The following SELP variants were observed in gnomAD, a reference collection of about 807,000 sequenced individuals.
The protein encoded by SELP is P-selectin.
In SELP, 92 loss-of-function variants were observed where a neutral mutation model predicts 104.1. The ratio of observed to expected loss-of-function variants is 0.88; its 90% CI spans 0.75 to 1.05. The LOEUF is 1.05. Ranked by LOEUF, SELP falls within the 50% of genes least tolerant of loss-of-function variation. The probability of loss-of-function intolerance (pLI) is 0.00; values close to 1 mark genes in which losing one functional copy is unlikely to be tolerated. For missense variants in SELP, 1,022 were observed against 1,017.3 expected, an observed-to-expected ratio of 1.00 and a Z score of -0.06; for synonymous variants, 397 against 364.5, an observed-to-expected ratio of 1.09 and a Z score of -1.01.
chr1:169,623,155 A>T (rs144022649), intron 1 of SELP, among the ~76,000 whole-genome samples: 1 of 133,376 alleles, frequency 7.5e-6, no homozygotes, highest in African/African-American at 2.9e-5. Flanking sequence ...CATGAAGGGG[A>T]CCTGAGTGCT....
In SELP at chr1:169,593,710, T is replaced by C. The variant is rs775557509; in HGVS notation, c.2302A>G (p.Ile768Val). The C allele has an allele frequency of 4.3e-6, 7 of 1,613,470 alleles. No individual in the cohort carries two copies. Among genetic ancestry groups the C allele is most frequent in the South Asian group, 2.2e-5 (2 of 91,058 alleles). ...CCAAAGTAAGTCAGGGCTTCCTGGA[T>C]AGTCAATGGTCCTGCTACAAAACAA... Reference protein sequence around the residue: ...VPTCQAGPLTIQEALTYFGGA... With the variant: ...VPTCQAGPLTVQEALTYFGGA... The change falls in exon 14 of 17, where the codon ATC (isoleucine) becomes GTC (valine). Residue 768 changes from isoleucine (I) to valine (V), a missense_variant. Transcript: ENST00000263686.
intron 10 of SELP, among the ~76,000 whole-genome samples, chr1:169,599,543 T>C (rs1031057041): frequency 1.3e-5 from 2 of 152,214 alleles, no homozygotes; most frequent in Non-Finnish European, 2.9e-5. Flanking sequence ...CTTAAACATA[T>C]TGATTTATAT....
At chr1:169,606,546 T>C (rs995464707) in intron 9 of SELP, among the ~76,000 whole-genome samples, 1 of 151,830 alleles carries the variant, frequency 6.6e-6, no homozygotes, top group Non-Finnish European at 1.5e-5. Context: ...TTATACCCTG[T>C]GGTTCCTAGA....
intron 7 of SELP, among the ~76,000 whole-genome samples, chr1:169,610,586 C>T (rs916791181): frequency 3.9e-5 from 6 of 152,022 alleles, no homozygotes; most frequent in African/African-American, 4.8e-5. Context: ...CACTTGAGGT[C>T]GGGAGTTTGA....
chr1:169,596,044 G>C lies in SELP; in HGVS notation c.1982C>G (p.Thr661Ser). The part of the protein sequence containing the change: ...GTMYCRHHPG[T>S]FGFNTTCYFG... ...GTAACAAGTGGTATTAAAACCAAAG[G>C]TTCCCGGATGATGCCTACAGTACAT... The change falls in exon 12 of 17, where the codon ACC becomes AGC. Residue 661 changes from threonine (T) to serine (S), a missense_variant. By Grantham distance (58) the Thr-to-Ser change is moderately conservative. Coordinates refer to ENST00000263686, the MANE Select transcript of SELP (RefSeq NM_003005.4). The C allele has an allele frequency of 6.2e-7, 1 of 1,613,942 alleles. No homozygotes were observed. Among genetic ancestry groups the C allele is most frequent in the Non-Finnish European group, 8.5e-7 (1 of 1,179,860 alleles).
At chr1:169,621,163 G>C (rs1320366103) in intron 1 of SELP, among the ~76,000 whole-genome samples, 1 of 142,536 alleles carries the variant, frequency 7.0e-6, no homozygotes, top group Non-Finnish European at 1.5e-5. Context: ...GACTGTGTGG[G>C]GTTGTGTGTG....
chr1:169,627,153 T>C (rs1663412446), intron 1 of SELP, among the ~76,000 whole-genome samples: 1 of 152,162 alleles, frequency 6.6e-6, no homozygotes, highest in South Asian at 2.1e-4. Flanking sequence ...ACTATACAAC[T>C]TGTTGGTAGC....
chr1:169,598,885 A>G (rs960331595), intron 10 of SELP, among the ~76,000 whole-genome samples: 4 of 152,314 alleles, frequency 2.6e-5, no homozygotes, highest in South Asian at 4.1e-4. Context: ...CTGGTTTGAA[A>G]AGAAACAAGA....
chr1:169,604,644 A>G (rs1484872068), intron 9 of SELP, among the ~76,000 whole-genome samples: 1 of 152,154 alleles, frequency 6.6e-6, no homozygotes, highest in Non-Finnish European at 1.5e-5. Flanking sequence ...AATCTGATCA[A>G]CTTGTCCAAA....
At chr1:169,603,820 TG>T (rs1461660868) in intron 9 of SELP, among the ~76,000 whole-genome samples, 69 of 152,248 alleles carry the variant, frequency 4.5e-4, no homozygotes, top group Admixed American at 4.5e-3. Flanking sequence ...TCCTTGCATA[TG>T]TGCCACATTT....
chr1:169,597,954 G>A (rs1661717013), intron 10 of SELP, among the ~76,000 whole-genome samples: 1 of 152,100 alleles, frequency 6.6e-6, no homozygotes, highest in Non-Finnish European at 1.5e-5. Context: ...TCAACTTTTT[G>A]TCTGAACTGA....
intron 1 of SELP, among the ~76,000 whole-genome samples, chr1:169,623,872 A>G (rs971764198): frequency 2.0e-5 from 3 of 152,196 alleles, no homozygotes; most frequent in Non-Finnish European, 4.4e-5. Context: ...GTGAGCGTAA[A>G]TGATTTGCCC....
chr1:169,596,160 A>G (rs1661600379), intron 11 of SELP, 26 bp from the exon 12 acceptor site: 1 of 1,598,756 alleles, frequency 6.3e-7, no homozygotes, highest in Non-Finnish European at 8.6e-7. Context: ...GTTTCCATTC[A>G]GAGACCTCCC....
Position 169,597,030 on chromosome 1 carries a change from T to G in SELP, c.1852A>C (p.Thr618Pro). 1 of 1,613,180 alleles carries G rather than the reference T, an allele frequency of 6.2e-7. No individual in the cohort carries two copies. Among genetic ancestry groups the G allele is most frequent in the Non-Finnish European group, 8.5e-7 (1 of 1,179,506 alleles). ...LEGPNNVECT[T>P]SGRWSATPPT... ...GGAGTAGCTGACCATCTTCCAGAAG[T>G]TGTGCATTCCACATTATTGGGCCCC... The change falls in exon 11 of 17, where the codon ACT becomes CCT. Residue 618 changes from threonine to proline, a missense_variant. Coordinates refer to ENST00000263686, the MANE Select transcript of SELP (RefSeq NM_003005.4).
intron 5 of SELP, among the ~76,000 whole-genome samples, 199 bp downstream of exon 5, chr1:169,612,730 G>C (rs1662607044): frequency 6.6e-6 from 1 of 152,098 alleles, no homozygotes; most frequent in African/African-American, 2.4e-5. Context: ...AACTGACTAA[G>C]TCACTCTACC....
chr1:169,608,382 C>T (rs1241881828), intron 8 of SELP, among the ~76,000 whole-genome samples: 2 of 152,074 alleles, frequency 1.3e-5, no homozygotes, highest in African/African-American at 4.8e-5. Context: ...TCCGCCGAGC[C>T]CTTGGCAACC....
chr1:169,618,454 TATC>T (rs1662933471), intron 2 of SELP, among the ~76,000 whole-genome samples: 1 of 152,214 alleles, frequency 6.6e-6, no homozygotes, highest in Admixed American at 6.5e-5. Context: ...ACAGCACTCT[TATC>T]ATAGTCTGTG....
intron 4 of SELP, 26 bp downstream of exon 4, chr1:169,613,557 AAAT>A: frequency 4.4e-6 from 7 of 1,577,102 alleles, no homozygotes; most frequent in Non-Finnish European, 6.1e-6. Context: ...CATAAAACCA[AAAT>A]AATATCAACA....
chr1:169,605,841 G>C (rs1450975805), intron 9 of SELP, among the ~76,000 whole-genome samples: 1 of 152,000 alleles, frequency 6.6e-6, no homozygotes, highest in Non-Finnish European at 1.5e-5. Context: ...TGAAAATCTT[G>C]CGTTTAAAAA....
Sources: allele counts gnomAD v4.1 joint callset (sites outside exome capture counted in the v4.1 genomes callset), GRCh38; gene constraint gnomAD v4.1.1; transcripts MANE v1.5; gene names NCBI Gene and HGNC (gene_info 2026-07-23, HGNC 2026-07-21).